Variants in NCS1 observed in about 807,000 individuals in gnomAD.
NCS1 encodes the protein frequenin homolog.
Under a neutral mutation model 28.4 loss-of-function variants are expected in NCS1, and 6 were observed. The observed-to-expected ratio is 0.21, with a 90% CI of 0.12 to 0.42. The LOEUF is 0.42. Among genes scored for constraint, NCS1 ranks in the 10% least tolerant of loss-of-function variants. The pLI, the probability that NCS1 is intolerant of heterozygous loss-of-function variation, is 1.00. For missense variants in NCS1, 131 were observed against 241.4 expected, an observed-to-expected ratio of 0.54 and a Z score of 3.03; for synonymous variants, 86 against 99.3, an observed-to-expected ratio of 0.87 and a Z score of 0.79.
intron 6 of NCS1, among the ~76,000 whole-genome samples, chr9:130,223,827 G>T (rs1833372595): frequency 6.6e-6 from 1 of 151,918 alleles, no homozygotes; most frequent in South Asian, 2.1e-4. Context: ...CTATCCACAG[G>T]CCCAAGGTTA....
rs1554906388 is a variant in NCS1, at chr9:130,192,704, T to C, written c.65-8254T>C. On this transcript the variant is annotated intron_variant, in intron 1 of 7. Coordinates refer to ENST00000372398, the MANE Select transcript of NCS1 (RefSeq NM_014286.4). This position sits in a 1 kb window ranked among gnomAD's most constrained non-coding sequence, Gnocchi z 4.8. ...AAATCACCTGATGCTGCCGTGTGACTCCAGGGAGGTTCTCCCCCAGGAGCC... is the reference window on the plus strand; with the variant it reads ...AAATCACCTGATGCTGCCGTGTGACCCCAGGGAGGTTCTCCCCCAGGAGCC... Among the ~76,000 whole-genome samples, 1 of 152,060 alleles carries C rather than the reference T, an allele frequency of 6.6e-6. No individual in the cohort carries two copies. Among genetic ancestry groups the C allele is most frequent in the African/African-American group, 2.4e-5 (1 of 41,402 alleles).
intron 1 of NCS1, among the ~76,000 whole-genome samples, chr9:130,174,896 G>A (rs1421894713): frequency 6.6e-6 from 1 of 151,708 alleles, no homozygotes. Flanking sequence ...AGTCCTGTCC[G>A]GCCCCCTCCT....
rs552135673 is a variant in NCS1, at chr9:130,219,271, G to A, written c.229-454G>A. The stretch of plus-strand genomic sequence containing the variant: ...GAGTCACATGCCTGACCCTGGGAAG[G>A]GCTCTTCCCTTCTTGGGCCTCGGTT... On this transcript the variant is annotated intron_variant, in intron 3 of 7. Coordinates refer to ENST00000372398, the MANE Select transcript of NCS1 (RefSeq NM_014286.4). The surrounding 1 kb of genome is among the most constrained non-coding windows in gnomAD (Gnocchi z 5.7). Among the ~76,000 whole-genome samples the A allele has an allele frequency of 3.7e-3, 561 of 152,138 alleles. 5 individuals carry two copies. Among genetic ancestry groups the A allele is most frequent in the Admixed American group, 4.4e-3 (68 of 15,282 alleles).
intron 2 of NCS1, among the ~76,000 whole-genome samples, chr9:130,208,587 T>A (rs988923735): frequency 6.6e-6 from 1 of 152,152 alleles, no homozygotes; most frequent in Non-Finnish European, 1.5e-5. Flanking sequence ...ACAATGGGTT[T>A]TATTACTTTT....
chr9:130,214,391 A>G (rs774293955), intron 2 of NCS1, among the ~76,000 whole-genome samples: 4 of 152,198 alleles, frequency 2.6e-5, no homozygotes, highest in Non-Finnish European at 5.9e-5. Context: ...GACTATCACA[A>G]CCTGGGAGAG....
Position 130,209,006 on chromosome 9 carries a change from G to T in NCS1, c.89+8024G>T, listed in dbSNP as rs1233963975. Among the ~76,000 whole-genome samples the T allele has an allele frequency of 6.6e-6, 1 of 152,126 alleles. No individual in the cohort carries two copies. Among genetic ancestry groups the T allele is most frequent in the African/African-American group, 2.4e-5 (1 of 41,412 alleles). On this transcript the variant is annotated intron_variant, in intron 2 of 7. Transcript: ENST00000372398. The surrounding 1 kb of genome is among the most constrained non-coding windows in gnomAD (Gnocchi z 4.4). ...CCTGTAAAACCGGAGGCTACTGGGG[G>T]GAAGGGAAAGGAAGAGGAACCATCT...
chr9:130,219,677 G>C lies in NCS1; in HGVS notation c.229-48G>C. On this transcript the variant is annotated intron_variant, in intron 3 of 7. Transcript: ENST00000372398. The surrounding 1 kb of genome is among the most constrained non-coding windows in gnomAD (Gnocchi z 5.7). ...CCGTCCCGAGGTTCAGCCTGACCCG[G>C]TGGCCTGGCCGGCACTGACTGAGGC... 1 of 1,587,150 alleles carries C rather than the reference G, an allele frequency of 6.3e-7. No homozygotes were observed. The highest frequency in any genetic ancestry group is 8.7e-7 in the Non-Finnish European group (1 of 1,155,560).
intron 6 of NCS1, among the ~76,000 whole-genome samples, chr9:130,223,874 G>A (rs965516746): frequency 4.0e-5 from 6 of 151,724 alleles, no homozygotes; most frequent in African/African-American, 1.2e-4. Flanking sequence ...CAGAATCTTC[G>A]CCCTGTCACC....
intron 2 of NCS1, among the ~76,000 whole-genome samples, chr9:130,211,370 G>C (rs1554908772): frequency 1.2e-4 from 18 of 151,554 alleles, no homozygotes; most frequent in Non-Finnish European, 1.5e-5. Flanking sequence ...CCGAGATCCT[G>C]CCCTGAACCC....
intron 1 of NCS1, among the ~76,000 whole-genome samples, chr9:130,174,609 T>TGGAC (rs1832535170): frequency 6.6e-6 from 1 of 151,700 alleles, no homozygotes; most frequent in South Asian, 2.1e-4. Context: ...CCGAGGCGGG[T>TGGAC]GGACCAGCCT....
chr9:130,189,858 CAAAAAAAAA>C (rs869189538), intron 1 of NCS1, among the ~76,000 whole-genome samples: 1 of 43,122 alleles, frequency 2.3e-5, no homozygotes, highest in African/African-American at 1.7e-4. Context: ...GACTCCATCT[CAAAAAAAAA>C]AAAAAAAAAA....
At chr9:130,211,262 T>A (rs1554908766) in intron 2 of NCS1, among the ~76,000 whole-genome samples, 1 of 151,604 alleles carries the variant, frequency 6.6e-6, no homozygotes, top group African/African-American at 2.4e-5. Context: ...CACCCCTTTC[T>A]CCTGCACACA....
chr9:130,219,847 C>T lies in NCS1; in HGVS notation c.307+44C>T, dbSNP rs1554909985. On this transcript the variant is annotated intron_variant, in intron 4 of 7. Coordinates refer to ENST00000372398, the MANE Select transcript of NCS1 (RefSeq NM_014286.4). The surrounding 1 kb of genome is among the most constrained non-coding windows in gnomAD (Gnocchi z 5.7). Reference sequence around the variant, plus strand: ...GCCCTGTGTGGCAGCAGCTGGAGGGCCCAGGTCAGAGGGAGGCAGCCCTCG... The same window carrying T: ...GCCCTGTGTGGCAGCAGCTGGAGGGTCCAGGTCAGAGGGAGGCAGCCCTCG... 1 of 1,599,308 alleles carries T rather than the reference C, an allele frequency of 6.3e-7. No homozygotes were observed. Among genetic ancestry groups the T allele is most frequent in the Admixed American group, 1.7e-5 (1 of 59,956 alleles).
chr9:130,223,164 G>C lies in NCS1; in HGVS notation c.474+5G>C. On this transcript the variant is annotated splice_donor_5th_base_variant and intron_variant, in intron 6 of 7. Transcript: ENST00000372398. The stretch of plus-strand genomic sequence containing the variant: ...ATCTTTGCCATGATGGATAAGGTGA[G>C]GTGGGGGGGCGGGGCTGGTCCTGGA... 6.2e-7 allele frequency: 1 copy of C among 1,608,826 alleles called. No homozygotes were observed. The highest frequency in any genetic ancestry group is 1.1e-5 in the South Asian group (1 of 90,904).
chr9:130,173,229 C>T (rs1187808966), intron 1 of NCS1, among the ~76,000 whole-genome samples: 1 of 150,860 alleles, frequency 6.6e-6, no homozygotes, highest in Non-Finnish European at 1.5e-5. Flanking sequence ...CTTGGCACAG[C>T]GCTCGTCGTG....
chr9:130,220,220 C>G (rs1293831325), intron 4 of NCS1, among the ~76,000 whole-genome samples: 1 of 152,224 alleles, frequency 6.6e-6, no homozygotes, highest in East Asian at 1.9e-4. Flanking sequence ...CCGGACCCAC[C>G]TCTTTCATAG....
intron 1 of NCS1, among the ~76,000 whole-genome samples, chr9:130,196,528 C>G (rs1312916967): frequency 6.6e-6 from 1 of 152,206 alleles, no homozygotes. Flanking sequence ...CACTTGAGGT[C>G]AGGAGTTCGG....
In NCS1 at chr9:130,221,399, TATATATATATATATAGAGAG is replaced by T. The variant is rs1219791918; in HGVS notation, c.308-1249_308-1230del. ...TATCATATATATATATATATATATA[TATATATATATATATAGAGAG>T]AGAGAGAGAGAGAGAGAGAGAGAGA... On this transcript the variant is annotated intron_variant, in intron 4 of 7. Transcript: ENST00000372398. Among the ~76,000 whole-genome samples, 211 of 49,978 alleles carry T rather than the reference TATATATATATATATAGAGAG, an allele frequency of 4.2e-3. 2 individuals are homozygous for T. The highest frequency in any genetic ancestry group is 0.011 in the African/African-American group (165 of 14,552). The allele number at this position is 49,978 out of a possible 152,430, so 32.8% of individuals were successfully genotyped here.
intron 1 of NCS1, among the ~76,000 whole-genome samples, chr9:130,194,719 C>T (rs1832858544): frequency 6.6e-6 from 1 of 152,228 alleles, no homozygotes; most frequent in Non-Finnish European, 1.5e-5. Flanking sequence ...TTTCCCCTGT[C>T]TGGCCCCATG....
Sources: gnomAD v4.1 joint callset for allele counts (sites outside exome capture counted in the v4.1 genomes callset) on GRCh38, gnomAD v4.1.1 for gene constraint, Gnocchi (gnomAD v3.1) non-coding constraint, MANE v1.5 for transcripts, NCBI Gene and HGNC (gene_info 2026-07-23, HGNC 2026-07-21) for gene names.